Variants in NELL1 observed in about 807,000 individuals in gnomAD.
The protein encoded by NELL1 is neural EGFL like 1.
NELL1 carries 76 observed loss-of-function variants against 107.4 expected under a neutral mutation model. The observed-to-expected ratio is 0.71, with a 90% CI of 0.59 to 0.86. The LOEUF (loss-of-function observed/expected upper bound fraction) is 0.86, where lower values mean the gene tolerates loss of function less well. Among genes scored for constraint, NELL1 ranks in the 40% least tolerant of loss-of-function variants. The pLI is 0.00. For synonymous variants in NELL1, 353 were observed against 341.2 expected (o/e 1.03, Z -0.38); for missense variants, 1,024 against 1,005.5 (o/e 1.02, Z -0.25).
chr11:21,230,211 G>C (rs1036085461), intron 14 of NELL1, among the ~76,000 whole-genome samples: 4 of 152,078 alleles, frequency 2.6e-5, no homozygotes, highest in Non-Finnish European at 4.4e-5. Flanking sequence ...CAAACAACCT[G>C]ACAGAACATC....
chr11:21,272,445 C>G (rs1033648549), intron 14 of NELL1, among the ~76,000 whole-genome samples: 1 of 152,196 alleles, frequency 6.6e-6, no homozygotes. Context: ...CTCAAGGAGG[C>G]CTGCCTGCCT....
intron 3 of NELL1, among the ~76,000 whole-genome samples, chr11:20,836,562 A>G (rs1342890670): frequency 2.0e-5 from 3 of 152,096 alleles, no homozygotes; most frequent in African/African-American, 7.2e-5. Context: ...ATGATGAAGT[A>G]TTACTCAGCT....
intron 12 of NELL1, among the ~76,000 whole-genome samples, chr11:21,007,674 G>A (rs1232248261): frequency 6.6e-6 from 1 of 151,854 alleles, no homozygotes; most frequent in Non-Finnish European, 1.5e-5. Flanking sequence ...AGGGACACCT[G>A]TACATTCACA....
intron 4 of NELL1, among the ~76,000 whole-genome samples, chr11:20,854,493 G>T (rs1848845597): frequency 1.3e-5 from 2 of 152,208 alleles, no homozygotes; most frequent in Non-Finnish European, 2.9e-5. Flanking sequence ...GCAGTCATCT[G>T]AATTTATATG....
At chr11:21,342,348 G>T (rs1029510840) in intron 14 of NELL1, among the ~76,000 whole-genome samples, 2 of 146,190 alleles carry the variant, frequency 1.4e-5, no homozygotes, top group African/African-American at 5.0e-5. Context: ...GCAATAGAAA[G>T]ACTTAAATAC....
intron 16 of NELL1, among the ~76,000 whole-genome samples, chr11:21,537,079 T>C (rs1856158249): frequency 6.6e-6 from 1 of 152,196 alleles, no homozygotes; most frequent in Admixed American, 6.5e-5. Flanking sequence ...GTAGTCTGAA[T>C]TTCTTTTTAT....
chr11:20,961,125 G>A (rs1257436331), intron 12 of NELL1, among the ~76,000 whole-genome samples: 1 of 152,202 alleles, frequency 6.6e-6, no homozygotes, highest in Non-Finnish European at 1.5e-5. Flanking sequence ...CATTACAGTG[G>A]GATGGTGGCC....
At chr11:21,370,619 A>C (rs951214336) in intron 14 of NELL1, among the ~76,000 whole-genome samples, 5 of 152,106 alleles carry the variant, frequency 3.3e-5, no homozygotes, top group Non-Finnish European at 5.9e-5. Context: ...CATTTAGCGC[A>C]TGCCAGCCCT....
intron 14 of NELL1, among the ~76,000 whole-genome samples, chr11:21,294,430 A>G (rs143291645): frequency 8.3e-4 from 127 of 152,186 alleles, no homozygotes; most frequent in African/African-American, 3.0e-3. Context: ...AACATATTCA[A>G]TCAACATTCT....
intron 2 of NELL1, among the ~76,000 whole-genome samples, chr11:20,727,239 C>T (rs1311793918): frequency 6.6e-6 from 1 of 152,174 alleles, no homozygotes; most frequent in Non-Finnish European, 1.5e-5. Flanking sequence ...CCTATTTCTC[C>T]ACATCCTCTC....
intron 14 of NELL1, among the ~76,000 whole-genome samples, chr11:21,326,184 A>T (rs1219443925): frequency 1.4e-5 from 2 of 139,966 alleles, no homozygotes; most frequent in Non-Finnish European, 3.1e-5. Flanking sequence ...TGTTCCACTT[A>T]TTCCTTGTTC....
chr11:21,574,924 T>C (rs1031742227), intron 19 of NELL1, 48 bp from the exon 20 acceptor site: 6 of 1,545,334 alleles, frequency 3.9e-6, no homozygotes, highest in Non-Finnish European at 4.5e-6. Flanking sequence ...GACTGCTAAT[T>C]TATATTCCAT....
chr11:21,308,217 A>C (rs1849651746), intron 14 of NELL1, among the ~76,000 whole-genome samples: 1 of 152,076 alleles, frequency 6.6e-6, no homozygotes, highest in South Asian at 2.1e-4. Flanking sequence ...GAAGGAGGCT[A>C]TAGTGTATCA....
At chr11:20,968,888 G>A (rs143530698) in intron 12 of NELL1, among the ~76,000 whole-genome samples, 13 of 152,116 alleles carry the variant, frequency 8.5e-5, no homozygotes, top group African/African-American at 3.1e-4. Flanking sequence ...CATTTCACTG[G>A]CCAGAACTCA....
intron 4 of NELL1, among the ~76,000 whole-genome samples, chr11:20,859,769 T>A (rs927321610): frequency 6.7e-6 from 1 of 149,982 alleles, no homozygotes; most frequent in African/African-American, 2.4e-5. Context: ...TAATTAGATA[T>A]GTACTAGAGC....
intron 16 of NELL1, among the ~76,000 whole-genome samples, chr11:21,546,834 C>T (rs1856455239): frequency 6.6e-6 from 1 of 151,958 alleles, no homozygotes; most frequent in African/African-American, 2.4e-5. Context: ...TGAGATTACT[C>T]AAGCTGCTGT....
chr11:20,937,825 A>G lies in NELL1; in HGVS notation c.1037A>G (p.Gln346Arg), dbSNP rs745848313. 1 of 1,614,102 alleles carries G rather than the reference A, an allele frequency of 6.2e-7. No homozygotes were observed. The highest frequency in any genetic ancestry group is 8.5e-7 in the Non-Finnish European group (1 of 1,179,936). Residue 346 changes from glutamine (Q) to arginine (R), a missense_variant, in exon 10 of 20, where the codon CAG becomes CGG. Physicochemically the swap from Gln to Arg is conservative, Grantham distance 43. Coordinates refer to ENST00000357134, the MANE Select transcript of NELL1 (RefSeq NM_006157.5). ...IYGGKVLAEG[Q>R]RILTKSCREC... ...GGAGGAAAAGTTCTTGCAGAAGGCC[A>G]GCGGATTTTAACCAAGAGCTGTCGG...
At chr11:20,816,404 G>T (rs1443865891) in intron 3 of NELL1, among the ~76,000 whole-genome samples, 1 of 152,024 alleles carries the variant, frequency 6.6e-6, no homozygotes, top group Non-Finnish European at 1.5e-5. Context: ...TATTTTTGTG[G>T]CTATTGTAAA....
chr11:21,382,088 A>T (rs774313429), intron 15 of NELL1, among the ~76,000 whole-genome samples: 1 of 151,664 alleles, frequency 6.6e-6, no homozygotes, highest in Non-Finnish European at 1.5e-5. Flanking sequence ...ATATTTTCTT[A>T]GTTCTTCGTT....
Sources: gnomAD v4.1 joint callset for allele counts (sites outside exome capture counted in the v4.1 genomes callset) on GRCh38, gnomAD v4.1.1 for gene constraint, MANE v1.5 for transcripts, NCBI Gene and HGNC (gene_info 2026-07-23, HGNC 2026-07-21) for gene names.